Variants in PCDHGA1 observed in about 807,000 individuals in gnomAD.
The protein encoded by PCDHGA1 is protocadherin gamma-A1.
A neutral mutation model predicts 58.0 loss-of-function variants in PCDHGA1; 32 were observed. The ratio of observed to expected loss-of-function variants is 0.55; its 90% CI spans 0.42 to 0.74. The LOEUF (loss-of-function observed/expected upper bound fraction) is 0.74, where lower values mean the gene tolerates loss of function less well. Among genes scored for constraint, PCDHGA1 ranks in the 30% least tolerant of loss-of-function variants. The pLI is 0.00. For synonymous variants in PCDHGA1, 498 were observed against 501.1 expected (o/e 0.99, Z 0.08); for missense variants, 1,205 against 1,182.3 (o/e 1.02, Z -0.28).
At chr5:141,383,916 T>C (rs1368497890) in intron 1 of PCDHGA1, 1 of 1,613,968 alleles carries the variant, frequency 6.2e-7, no homozygotes, top group Non-Finnish European at 8.5e-7. Flanking sequence ...CAGTTTTAGA[T>C]GTAAATGATA....
chr5:141,362,004 G>A (rs779926353), intron 1 of PCDHGA1: 27 of 1,604,352 alleles, frequency 1.7e-5, no homozygotes, highest in African/African-American at 1.6e-4. Flanking sequence ...GGTTGCGCAC[G>A]GGTGAGGTGC....
At chr5:141,457,230 A>G (rs1248092452) in intron 1 of PCDHGA1, among the ~76,000 whole-genome samples, 2 of 152,174 alleles carry the variant, frequency 1.3e-5, no homozygotes, top group African/African-American at 4.8e-5. Flanking sequence ...GGTAATTTCC[A>G]TCTAAAATTT....
At chr5:141,460,977 G>A in intron 1 of PCDHGA1, among the ~76,000 whole-genome samples, 1 of 131,518 alleles carries the variant, frequency 7.6e-6, no homozygotes, top group African/African-American at 3.4e-5. Context: ...GTGTGTGTGT[G>A]TGTGTGTATA....
In PCDHGA1 at chr5:141,476,691, A is replaced by G; in HGVS notation, c.2422-18116A>G. 6.2e-7 allele frequency: 1 copy of G among 1,614,224 alleles called. No individual in the cohort carries two copies. Among genetic ancestry groups the G allele is most frequent in the Non-Finnish European group, 8.5e-7 (1 of 1,180,050 alleles). The stretch of plus-strand genomic sequence containing the variant: ...GTGCAGACGCGGGAGGACAGCACCA[A>G]GTACGCGGAGCTGGTGTTGGAGCGC... On this transcript the variant is annotated intron_variant, in intron 1 of 3. Transcript: ENST00000517417. This position sits in a 1 kb window ranked among gnomAD's most constrained non-coding sequence, Gnocchi z 7.6.
intron 1 of PCDHGA1, chr5:141,478,843 C>G: frequency 7.2e-7 from 1 of 1,398,442 alleles, no homozygotes; most frequent in South Asian, 1.5e-5. Flanking sequence ...GATGGTTAAG[C>G]TAAAACACAA....
At chr5:141,409,039 C>A (rs2095214342) in intron 1 of PCDHGA1, 1 of 1,614,004 alleles carries the variant, frequency 6.2e-7, no homozygotes, top group Non-Finnish European at 8.5e-7. Flanking sequence ...AGATAAACTA[C>A]TACTTCCGAA....
chr5:141,418,649 G>A (rs760169796), intron 1 of PCDHGA1: 3 of 1,613,926 alleles, frequency 1.9e-6, no homozygotes, highest in Non-Finnish European at 2.5e-6. Flanking sequence ...CATCCTGAGA[G>A]TGAAGGCCAC....
intron 1 of PCDHGA1, among the ~76,000 whole-genome samples, chr5:141,449,520 C>T (rs1384869748): frequency 1.4e-5 from 2 of 144,104 alleles, no homozygotes; most frequent in Non-Finnish European, 1.5e-5. Context: ...ACCTGGGAGG[C>T]GGAGGTTGCA....
Position 141,423,412 on chromosome 5 carries a change from T to C in PCDHGA1, c.2422-71395T>C, listed in dbSNP as rs754410783. 4 of 1,614,166 alleles carry C rather than the reference T, an allele frequency of 2.5e-6. No individual in the cohort carries two copies. The Admixed American group carries it at 6.7e-5, about 27-fold the overall frequency. The stretch of plus-strand genomic sequence containing the variant: ...GCATAAGTCACGCCTGCTGCAGGCT[T>C]CTGAAGGCGGGTTGGCAGGTATGCC... On this transcript the variant is annotated intron_variant, in intron 1 of 3. Coordinates refer to ENST00000517417, the MANE Select transcript of PCDHGA1 (RefSeq NM_018912.3).
At position 141,384,421 on chromosome 5, in the gene PCDHGA1, A is replaced by T. The variant is rs764678416; in HGVS notation, c.2421+51316A>T. The T allele has an allele frequency of 1.9e-6, 3 of 1,613,914 alleles. No homozygotes were observed. In the South Asian group the frequency reaches 3.3e-5, roughly 18 times the overall value. ...TCCAGTGTCCTCCTATGTCTCCATA[A>T]ACTCTGACACTGGAGTCCTGTACGC... On this transcript the variant is annotated intron_variant, in intron 1 of 3. Transcript: ENST00000517417.
chr5:141,399,831 TG>T (rs1368149251), intron 1 of PCDHGA1: 1 of 1,613,172 alleles, frequency 6.2e-7, no homozygotes, highest in South Asian at 1.1e-5. Flanking sequence ...CCGACGGCTC[TG>T]CGCTCTTCGA....
chr5:141,370,997 C>T, intron 1 of PCDHGA1: 5 of 1,613,984 alleles, frequency 3.1e-6, no homozygotes, highest in Non-Finnish European at 4.2e-6. Context: ...CACCCCTGGA[C>T]AGGGAAGAGC....
intron 1 of PCDHGA1, chr5:141,345,111 G>A: frequency 6.2e-7 from 1 of 1,613,874 alleles, no homozygotes; most frequent in Non-Finnish European, 8.5e-7. Flanking sequence ...CCCAGAAGAG[G>A]GCACCGTTGG....
At position 141,331,395 on chromosome 5, in the gene PCDHGA1, C is replaced by CA. The variant is rs1298335873; in HGVS notation, c.713dup (p.Asn238LysfsTer31). 3.4e-5 allele frequency: 55 copies of CA among 1,614,050 alleles called. No homozygotes were observed. Among genetic ancestry groups the CA allele is most frequent in the Non-Finnish European group, 4.7e-5 (55 of 1,180,044 alleles). On this transcript the variant is annotated frameshift_variant, in exon 1 of 4. Transcript: ENST00000517417. LOFTEE classifies it high-confidence loss of function. ...ACATTCAGGTGGTGGATGCAAATGA[C>CA]AATCCTCCAGCATTTACTCAGGCAC...
intron 1 of PCDHGA1, among the ~76,000 whole-genome samples, chr5:141,348,824 T>C (rs1485520256): frequency 1.3e-5 from 2 of 152,200 alleles, no homozygotes; most frequent in East Asian, 3.8e-4. Flanking sequence ...CTGTTTCGAA[T>C]AGAGTATGAG....
intron 1 of PCDHGA1, among the ~76,000 whole-genome samples, chr5:141,469,031 C>T (rs963001535): frequency 1.3e-5 from 2 of 152,070 alleles, no homozygotes; most frequent in Admixed American, 6.6e-5. Flanking sequence ...AATCCCAGCA[C>T]TTTGGGAGGC....
At chr5:141,404,601 T>G (rs2094545274) in intron 1 of PCDHGA1, 2 of 1,614,056 alleles carry the variant, frequency 1.2e-6, no homozygotes, top group Admixed American at 1.7e-5. Context: ...TCATTGAGAC[T>G]GTTTGTTTTG....
At chr5:141,430,716 G>T (rs1327065498) in intron 1 of PCDHGA1, 2 of 1,487,962 alleles carry the variant, frequency 1.3e-6, no homozygotes, top group African/African-American at 2.8e-5. Context: ...CCTGACTTCA[G>T]TGGTTAAGGG....
chr5:141,343,206 ATG>A, intron 1 of PCDHGA1: 1 of 720,410 alleles, frequency 1.4e-6, no homozygotes, highest in South Asian at 6.3e-5. Flanking sequence ...ATGCCTAATT[ATG>A]TGTTTGTTTA....
Sources: gnomAD v4.1 joint callset for allele counts (sites outside exome capture counted in the v4.1 genomes callset) on GRCh38, gnomAD v4.1.1 for gene constraint, Gnocchi (gnomAD v3.1) non-coding constraint, MANE v1.5 for transcripts, NCBI Gene and HGNC (gene_info 2026-07-23, HGNC 2026-07-21) for gene names.